The following CNTNAP4 variants were observed in gnomAD, a reference collection of about 807,000 sequenced individuals.
CNTNAP4 encodes contactin associated protein family member 4, also known as contactin-associated protein-like 4.
A neutral mutation model predicts 148.4 loss-of-function variants in CNTNAP4; 98 were observed. The observed-to-expected ratio is 0.66, with a 90% CI of 0.56 to 0.78. CNTNAP4 has a LOEUF of 0.78. Among genes scored for constraint, CNTNAP4 ranks in the 30% least tolerant of loss-of-function variants. The probability of loss-of-function intolerance (pLI) is 0.00; values close to 1 mark genes in which losing one functional copy is unlikely to be tolerated. For missense variants in CNTNAP4, 1,935 were observed against 1,565.6 expected (o/e 1.24, Z -3.98); for synonymous variants, 730 against 565.1 (o/e 1.29, Z -4.14).
intron 1 of CNTNAP4, among the ~76,000 whole-genome samples, chr16:76,313,014 G>T (rs957888248): frequency 6.6e-6 from 1 of 152,072 alleles, no homozygotes; most frequent in African/African-American, 2.4e-5. Flanking sequence ...ATAATGCCAT[G>T]TAACCACCAA....
At chr16:76,544,553 T>C (rs754213726) in intron 21 of CNTNAP4, among the ~76,000 whole-genome samples, 5 of 152,294 alleles carry the variant, frequency 3.3e-5, no homozygotes, top group Non-Finnish European at 5.9e-5. Flanking sequence ...ATATTGAAAG[T>C]TTAGAGCTAT....
intron 2 of CNTNAP4, among the ~76,000 whole-genome samples, chr16:76,326,673 T>C (rs947462109): frequency 6.6e-6 from 1 of 151,946 alleles, no homozygotes; most frequent in Non-Finnish European, 1.5e-5. Context: ...CTGGAAACCA[T>C]CATTCTCAGC....
intron 8 of CNTNAP4, among the ~76,000 whole-genome samples, chr16:76,457,106 T>C (rs1003993005): frequency 2.0e-5 from 3 of 152,216 alleles, no homozygotes; most frequent in African/African-American, 7.2e-5. Context: ...TTACACAATA[T>C]CAGAAACAAG....
intron 9 of CNTNAP4, among the ~76,000 whole-genome samples, chr16:76,465,020 A>G (rs2081126231): frequency 6.6e-6 from 1 of 152,222 alleles, no homozygotes; most frequent in Non-Finnish European, 1.5e-5. Flanking sequence ...TACTGTGTGC[A>G]AAATTCTCAC....
In CNTNAP4 at chr16:76,391,320, T is replaced by C. The variant is rs72628217; in HGVS notation, c.390+35809T>C. On this transcript the variant is annotated intron_variant, in intron 3 of 23. Coordinates refer to ENST00000611870, the MANE Select transcript of CNTNAP4 (RefSeq NM_033401.5). ...CGCATTTGACGTTTCACATCTCTTA[T>C]TATTTTCTGGGGGAAAAGTCAACCC... 5.3e-5 allele frequency among the ~76,000 whole-genome samples: 8 copies of C among 152,326 alleles called. No individual in the cohort carries two copies. In the South Asian group the frequency reaches 1.0e-3, roughly 20 times the overall value.
At chr16:76,412,107 C>A (rs2078818835) in intron 3 of CNTNAP4, among the ~76,000 whole-genome samples, 1 of 151,268 alleles carries the variant, frequency 6.6e-6, no homozygotes, top group South Asian at 2.1e-4. Flanking sequence ...ATGAAAAACA[C>A]CCATGTTGTG....
intron 2 of CNTNAP4, among the ~76,000 whole-genome samples, chr16:76,327,746 A>G (rs887892608): frequency 1.3e-5 from 2 of 152,188 alleles, no homozygotes; most frequent in Non-Finnish European, 2.9e-5. Flanking sequence ...CTGTGAGGCT[A>G]AACGTGCCAA....
At chr16:76,476,606 G>A (rs187387666) in intron 11 of CNTNAP4, among the ~76,000 whole-genome samples, 7 of 152,276 alleles carry the variant, frequency 4.6e-5, no homozygotes, top group Admixed American at 3.9e-4. Flanking sequence ...AGAAGTTCAA[G>A]ATCAAGATGC....
chr16:76,513,765 C>T (rs937035201), intron 15 of CNTNAP4, among the ~76,000 whole-genome samples: 2 of 151,832 alleles, frequency 1.3e-5, no homozygotes, highest in Non-Finnish European at 2.9e-5. Flanking sequence ...TGTTAATTGC[C>T]GAGTTAAAAT....
chr16:76,395,330 A>G (rs1383550820), intron 3 of CNTNAP4, among the ~76,000 whole-genome samples: 1 of 151,828 alleles, frequency 6.6e-6, no homozygotes, highest in East Asian at 1.9e-4. Flanking sequence ...CAATGGCGCA[A>G]TCTTGGCTCA....
intron 2 of CNTNAP4, among the ~76,000 whole-genome samples, chr16:76,333,729 G>A (rs1963750187): frequency 7.0e-6 from 1 of 143,044 alleles, no homozygotes; most frequent in South Asian, 2.3e-4. Context: ...AAAATCAGAT[G>A]ATCTCTTCCT....
intron 12 of CNTNAP4, among the ~76,000 whole-genome samples, chr16:76,484,317 G>A (rs2081948125): frequency 7.1e-6 from 1 of 140,052 alleles, no homozygotes; most frequent in Non-Finnish European, 1.5e-5. Flanking sequence ...CTGGAAGTAT[G>A]CAGAGATTAA....
chr16:76,531,603 A>G (rs999750863), intron 17 of CNTNAP4, among the ~76,000 whole-genome samples: 1 of 152,206 alleles, frequency 6.6e-6, no homozygotes, highest in African/African-American at 2.4e-5. Flanking sequence ...GCTCAGTGGA[A>G]ACATCCAGAA....
intron 15 of CNTNAP4, among the ~76,000 whole-genome samples, chr16:76,518,660 A>G (rs1264756782): frequency 6.6e-6 from 1 of 152,132 alleles, no homozygotes; most frequent in Non-Finnish European, 1.5e-5. Flanking sequence ...GACTTAGGAT[A>G]TCCATCACCT....
intron 11 of CNTNAP4, among the ~76,000 whole-genome samples, chr16:76,478,131 C>T (rs1187958740): frequency 8.6e-6 from 1 of 116,292 alleles, no homozygotes; most frequent in Non-Finnish European, 1.8e-5. Flanking sequence ...AAGCCATACA[C>T]ATAAATCAAC....
At chr16:76,396,779 TC>T (rs1220983289) in intron 3 of CNTNAP4, among the ~76,000 whole-genome samples, 1 of 152,156 alleles carries the variant, frequency 6.6e-6, no homozygotes, top group African/African-American at 2.4e-5. Flanking sequence ...GTTCAACACT[TC>T]CTGCAAAGAT....
intron 8 of CNTNAP4, among the ~76,000 whole-genome samples, chr16:76,460,638 C>T (rs2080910011): frequency 6.8e-6 from 1 of 146,932 alleles, no homozygotes; most frequent in South Asian, 2.2e-4. Context: ...TGGCAAGCGC[C>T]TGTAGTCCCA....
At chr16:76,506,165 G>A (rs4275875) in intron 15 of CNTNAP4, among the ~76,000 whole-genome samples, 55,387 of 95,082 alleles carry the variant, frequency 0.58, 22,935 homozygotes, top group East Asian at 0.89. Context: ...TATTTCCTAC[G>A]TAATCAGCCT....
At chr16:76,452,872 A>C in intron 8 of CNTNAP4, 103 bp downstream of exon 8, 1 of 1,035,770 alleles carries the variant, frequency 9.7e-7, no homozygotes, top group South Asian at 1.9e-5. Context: ...TTTGCTTAAT[A>C]AATGAATACT....
Sources: allele counts gnomAD v4.1 joint callset (sites outside exome capture counted in the v4.1 genomes callset), GRCh38; gene constraint gnomAD v4.1.1; transcripts MANE v1.5; gene names NCBI Gene and HGNC (gene_info 2026-07-23, HGNC 2026-07-21).